ATP2B2: variants seen among roughly 807,000 people sequenced by gnomAD.
ATP2B2 encodes plasma membrane calcium-transporting ATPase 2.
Under a neutral mutation model 120.0 loss-of-function variants are expected in ATP2B2, and 15 were observed. The ratio of observed to expected loss-of-function variants is 0.12; its 90% confidence interval spans 0.08 to 0.19. The LOEUF is 0.19. ATP2B2 is among the 10% of genes least tolerant of loss of function. ATP2B2 has a pLI of 1.00. For synonymous variants in ATP2B2, 694 were observed against 700.3 expected (o/e 0.99, Z 0.14); for missense variants, 1,045 against 1,719.8 (o/e 0.61, Z 6.94).
At chr3:10,353,919 A>G (rs1413979354) in intron 14 of ATP2B2, among the ~76,000 whole-genome samples, 1 of 152,162 alleles carries the variant, frequency 6.6e-6, no homozygotes, top group Admixed American at 6.5e-5. Context: ...GAGGAACTCT[A>G]TGACAGGGCA....
chr3:10,500,230 G>C (rs1206851389), intron 1 of ATP2B2, among the ~76,000 whole-genome samples: 2 of 151,628 alleles, frequency 1.3e-5, no homozygotes, highest in African/African-American at 4.9e-5. Flanking sequence ...GAGCCACTGC[G>C]CCTGGCCTGA....
At chr3:10,377,097 G>A (rs1559251196) in intron 10 of ATP2B2, among the ~76,000 whole-genome samples, 1 of 152,228 alleles carries the variant, frequency 6.6e-6, no homozygotes, top group Non-Finnish European at 1.5e-5. Context: ...ATTCTTGGCA[G>A]GGCCGAGGTG....
chr3:10,547,513 C>T (rs926848221), intron 2 of ATP2B2, among the ~76,000 whole-genome samples: 2 of 152,192 alleles, frequency 1.3e-5, no homozygotes, highest in African/African-American at 4.8e-5. Flanking sequence ...CGACAATGGT[C>T]GTATCTCCCG....
In ATP2B2 at chr3:10,372,730, C is replaced by A. The variant is rs533103691; in HGVS notation, c.1417-679G>T. ...CTAGGTACATCTTGTATATCAACAT[C>A]CTTTTTTTTTGAAATTTATAACAAA... On this transcript the variant is annotated intron_variant, in intron 11 of 22. Transcript: ENST00000360273. Among the ~76,000 whole-genome samples the A allele has an allele frequency of 5.9e-5, 9 of 152,250 alleles. No individual in the cohort carries two copies. In the East Asian group the frequency reaches 1.7e-3, roughly 29 times the overall value.
At chr3:10,698,602 AG>A (rs2071774011) in intron 1 of ATP2B2, among the ~76,000 whole-genome samples, 1 of 152,184 alleles carries the variant, frequency 6.6e-6, no homozygotes, top group South Asian at 2.1e-4. Flanking sequence ...TGGTGGGGAT[AG>A]GGAGTCTGAG....
At chr3:10,573,032 G>A (rs954324673) in intron 2 of ATP2B2, among the ~76,000 whole-genome samples, 3 of 152,184 alleles carry the variant, frequency 2.0e-5, no homozygotes, top group African/African-American at 7.2e-5. Context: ...CTCAAATCAT[G>A]TGAACAAGAC....
intron 1 of ATP2B2, among the ~76,000 whole-genome samples, chr3:10,648,314 CT>C (rs2070372418): frequency 6.6e-6 from 1 of 152,192 alleles, no homozygotes; most frequent in African/African-American, 2.4e-5. Context: ...ACCTTCCCGG[CT>C]TTCCTGACTA....
upstream of ATP2B2, among the ~76,000 whole-genome samples, chr3:10,510,461 G>T (rs1264513862): frequency 6.6e-6 from 1 of 152,266 alleles, no homozygotes; most frequent in African/African-American, 2.4e-5. Flanking sequence ...AACGCTGTGG[G>T]AGGTGGGGTG....
Position 10,440,100 on chromosome 3 carries a change from T to TA in ATP2B2, c.199+9244dup, listed in dbSNP as rs71055819. On this transcript the variant is annotated intron_variant, in intron 2 of 22. Coordinates refer to ENST00000360273, the MANE Select transcript of ATP2B2 (RefSeq NM_001001331.4). The stretch of plus-strand genomic sequence containing the variant: ...CTGGGCAACAGAGTGAGACTCTATC[T>TA]AAAAAAAAAAAAAAAAAAAAAAAAA... Among the ~76,000 whole-genome samples, 216 of 28,164 alleles carry TA rather than the reference T, an allele frequency of 7.7e-3. 30 individuals are homozygous for TA. The highest frequency in any genetic ancestry group is 0.011 in the African/African-American group (78 of 6,892). 18.5% of individuals were successfully genotyped at this position (28,164 alleles called of 152,430 possible).
intron 1 of ATP2B2, among the ~76,000 whole-genome samples, chr3:10,503,470 G>A (rs2066476282): frequency 1.3e-5 from 2 of 152,218 alleles, no homozygotes; most frequent in South Asian, 2.1e-4. Flanking sequence ...CTCCCCCAAC[G>A]CCTGTGTGAG....
intron 2 of ATP2B2, among the ~76,000 whole-genome samples, chr3:10,576,942 T>G (rs1029997007): frequency 1.3e-5 from 2 of 151,056 alleles, no homozygotes; most frequent in South Asian, 2.1e-4. Context: ...TAGTCCCAGC[T>G]ACTCGGGAGG....
rs1574960693 is a variant in ATP2B2 at position 10,343,395 on chromosome 3, T to G, written c.2704-430A>C. Among the ~76,000 whole-genome samples the G allele has an allele frequency of 2.6e-5, 3 of 115,218 alleles. No individual in the cohort carries two copies. The highest frequency in any genetic ancestry group is 1.0e-4 in the Admixed American group (1 of 9,916). 75.6% of individuals were successfully genotyped at this position (115,218 alleles called of 152,430 possible). A position where few individuals can be genotyped will look rare whatever the true frequency, so the allele number is the denominator to read the frequency against. On this transcript the variant is annotated intron_variant, in intron 18 of 22. Coordinates refer to ENST00000360273, the MANE Select transcript of ATP2B2 (RefSeq NM_001001331.4). The surrounding 1 kb of genome is among the most constrained non-coding windows in gnomAD (Gnocchi z 4.2). ...CTTTCTATCCTACAAACAGTGCCCG[T>G]CCCCCACCCCCCCAATGTCTCCTCC...
intron 1 of ATP2B2, among the ~76,000 whole-genome samples, chr3:10,498,024 A>C (rs571257431): frequency 1.3e-5 from 2 of 152,324 alleles, no homozygotes; most frequent in East Asian, 3.9e-4. Flanking sequence ...TCTAACCTGT[A>C]TCACTACTTT....
chr3:10,345,971 G>C (rs944935393), intron 17 of ATP2B2, 60 bp downstream of exon 17: 1 of 1,513,214 alleles, frequency 6.6e-7, no homozygotes, highest in Non-Finnish European at 9.0e-7. Flanking sequence ...CCAGCCCAAG[G>C]TTGTGTAGTC....
At chr3:10,456,638 A>G (rs550188886) in intron 1 of ATP2B2, among the ~76,000 whole-genome samples, 5 of 152,216 alleles carry the variant, frequency 3.3e-5, no homozygotes, top group African/African-American at 7.2e-5. Context: ...CATGTACCCC[A>G]TAGTGCCATA....
rs184736152 is a variant in ATP2B2 at position 10,461,690 on chromosome 3, C to G, written c.-319-11828G>C. ...ATTTTAAATGAGCAGAACTCCTGTC[C>G]TCGTGCTTTGGGGCTCCTGTTCCTC... On this transcript the variant is annotated intron_variant, in intron 1 of 22. Transcript: ENST00000360273. Among the ~76,000 whole-genome samples the G allele has an allele frequency of 9.9e-5, 15 of 152,252 alleles. No homozygotes were observed. The East Asian group carries it at 2.5e-3, about 26-fold the overall frequency.
intron 12 of ATP2B2, among the ~76,000 whole-genome samples, chr3:10,369,303 G>A (rs1292415420): frequency 1.3e-5 from 2 of 152,182 alleles, no homozygotes; most frequent in Non-Finnish European, 2.9e-5. Context: ...AGAAAGGGGA[G>A]CCCCTGAGAG....
intron 22 of ATP2B2, among the ~76,000 whole-genome samples, chr3:10,336,520 G>T (rs1194923539): frequency 9.9e-5 from 15 of 152,198 alleles, no homozygotes; most frequent in Admixed American, 9.2e-4. Context: ...GACACAGGGG[G>T]TCCGGCCTTT....
chr3:10,568,263 C>T (rs1250741586), intron 2 of ATP2B2, among the ~76,000 whole-genome samples: 2 of 152,152 alleles, frequency 1.3e-5, no homozygotes, highest in East Asian at 1.9e-4. Flanking sequence ...TCCTGGACCC[C>T]GGTACTGTGA....
Sources: gnomAD v4.1 joint callset for allele counts (sites outside exome capture counted in the v4.1 genomes callset) on GRCh38, gnomAD v4.1.1 for gene constraint, Gnocchi (gnomAD v3.1) non-coding constraint, MANE v1.5 for transcripts, NCBI Gene and HGNC (gene_info 2026-07-23, HGNC 2026-07-21) for gene names.